Variants in TENM3 observed in about 807,000 individuals in gnomAD.
TENM3 encodes teneurin-3.
TENM3 carries 63 observed loss-of-function variants against 255.1 expected under a neutral mutation model. The observed-to-expected ratio is 0.25, with a 90% CI of 0.20 to 0.30. The LOEUF is 0.30. Among genes scored for constraint, TENM3 ranks in the 10% least tolerant of loss-of-function variants. The pLI is 1.00. For synonymous variants in TENM3, 1,306 were observed against 1,322.3 expected (o/e 0.99, Z 0.27); for missense variants, 2,929 against 3,461.1 (o/e 0.85, Z 3.86).
intron 3 of TENM3, among the ~76,000 whole-genome samples, chr4:182,388,854 A>G (rs1428172439): frequency 1.3e-5 from 2 of 152,178 alleles, no homozygotes; most frequent in Non-Finnish European, 2.9e-5. Context: ...CTATGACCAA[A>G]AGTTGTTGGC....
At chr4:182,275,975 T>A (rs548510232) in intron 1 of TENM3, among the ~76,000 whole-genome samples, 21 of 152,162 alleles carry the variant, frequency 1.4e-4, no homozygotes, top group South Asian at 6.2e-4. Context: ...TCAAAAAAAA[T>A]TTTTTTAAGG....
chr4:182,494,886 G>A (rs1560827210), intron 3 of TENM3, among the ~76,000 whole-genome samples: 2 of 152,190 alleles, frequency 1.3e-5, no homozygotes, highest in Non-Finnish European at 2.9e-5. Flanking sequence ...ATGCAATAGT[G>A]AGATGACGTT....
chr4:181,870,443 A>T, the TENM3 span, among the ~76,000 whole-genome samples: 10 of 152,208 alleles, frequency 6.6e-5, no homozygotes, highest in Admixed American at 3.3e-4. Context: ...TGAGCACTCC[A>T]TTTGTCCCAA....
chr4:182,023,406 T>C, the TENM3 span, among the ~76,000 whole-genome samples: 1 of 152,238 alleles, frequency 6.6e-6, no homozygotes, highest in African/African-American at 2.4e-5. Flanking sequence ...CCATTTGCTT[T>C]TGAGTTGCCT....
At chr4:181,914,082 C>A in the TENM3 span, among the ~76,000 whole-genome samples, 1 of 152,168 alleles carries the variant, frequency 6.6e-6, no homozygotes, top group South Asian at 2.1e-4. Flanking sequence ...CTTCTTTCTA[C>A]CCAAAGTTAT....
the TENM3 span, among the ~76,000 whole-genome samples, chr4:181,979,662 A>G: frequency 4.6e-5 from 7 of 152,168 alleles, no homozygotes; most frequent in East Asian, 9.7e-4. Context: ...GCTTTTGGCC[A>G]TATGATGATG....
At chr4:181,814,694 C>A in the TENM3 span, among the ~76,000 whole-genome samples, 1 of 152,028 alleles carries the variant, frequency 6.6e-6, no homozygotes, top group Non-Finnish European at 1.5e-5. Context: ...TGACAGGCAA[C>A]TTTTCCTGAT....
intron 3 of TENM3, among the ~76,000 whole-genome samples, chr4:182,489,825 C>T (rs963348917): frequency 4.9e-5 from 6 of 123,158 alleles, no homozygotes; most frequent in African/African-American, 1.9e-4. Context: ...TTCCCTCCCT[C>T]CCTTCCTTTC....
At chr4:181,810,396 C>A in the TENM3 span, among the ~76,000 whole-genome samples, 3 of 152,014 alleles carry the variant, frequency 2.0e-5, no homozygotes, top group African/African-American at 7.2e-5. Context: ...AAATAATGAA[C>A]GAATCTGAGT....
intron 1 of TENM3, among the ~76,000 whole-genome samples, chr4:182,263,796 A>G (rs1041970034): frequency 6.6e-6 from 1 of 152,062 alleles, no homozygotes. Context: ...CGAAACTCTT[A>G]AGTCAGAGGT....
chr4:182,101,246 G>A, the TENM3 span, among the ~76,000 whole-genome samples: 1 of 74,866 alleles, frequency 1.3e-5, no homozygotes, highest in African/African-American at 3.9e-5. Flanking sequence ...AAGGAAAGAA[G>A]GGAGGGAGGA....
the TENM3 span, among the ~76,000 whole-genome samples, chr4:181,738,616 T>C: frequency 6.6e-6 from 1 of 152,184 alleles, no homozygotes; most frequent in Non-Finnish European, 1.5e-5. Context: ...CATTTCCTTT[T>C]GTTTTCTCTC....
At chr4:182,643,911 T>A (rs1416374775) in intron 5 of TENM3, among the ~76,000 whole-genome samples, 1 of 152,104 alleles carries the variant, frequency 6.6e-6, no homozygotes, top group Non-Finnish European at 1.5e-5. Context: ...CAGCATGGTA[T>A]TTTTAAAGTC....
At chr4:182,245,087 GT>G (rs1196041642) in intron 1 of TENM3, among the ~76,000 whole-genome samples, 4 of 152,202 alleles carry the variant, frequency 2.6e-5, no homozygotes, top group Non-Finnish European at 4.4e-5. Context: ...CTGTGCTATT[GT>G]TTGTTTAATG....
chr4:181,703,424 C>A, the TENM3 span, among the ~76,000 whole-genome samples: 1 of 152,154 alleles, frequency 6.6e-6, no homozygotes, highest in Non-Finnish European at 1.5e-5. Flanking sequence ...ATAGTTTTAA[C>A]GTAAATGGTT....
chr4:182,076,213 CTTTTTT>C, the TENM3 span, among the ~76,000 whole-genome samples: 1 of 126,396 alleles, frequency 7.9e-6, no homozygotes, highest in African/African-American at 3.1e-5. Context: ...TCTTCTTCTT[CTTTTTT>C]TTTTTTTTTT....
the TENM3 span, among the ~76,000 whole-genome samples, chr4:181,865,501 G>A: frequency 6.6e-6 from 1 of 151,938 alleles, no homozygotes; most frequent in African/African-American, 2.4e-5. Flanking sequence ...GGTTGACCCC[G>A]AATCCTCTTA....
chr4:181,621,376 ATCTT>A, the TENM3 span, among the ~76,000 whole-genome samples: 2 of 152,194 alleles, frequency 1.3e-5, no homozygotes, highest in Non-Finnish European at 2.9e-5. Flanking sequence ...TCATAACTAT[ATCTT>A]TATTTGTTTT....
At chr4:181,781,102 C>T in the TENM3 span, among the ~76,000 whole-genome samples, 3,990 of 152,098 alleles carry the variant, frequency 0.026, 198 homozygotes, top group African/African-American at 0.091. Context: ...CTTGGCAATG[C>T]GGGCTCTTTT....
Sources: allele counts gnomAD v4.1 joint callset (sites outside exome capture counted in the v4.1 genomes callset), GRCh38; gene constraint gnomAD v4.1.1; transcripts MANE v1.5; gene names NCBI Gene and HGNC (gene_info 2026-07-23, HGNC 2026-07-21).